Variants in PARD3B observed in about 807,000 individuals in gnomAD.
PARD3B encodes the protein partitioning defective 3 homolog B.
A neutral mutation model predicts 130.2 loss-of-function variants in PARD3B; 103 were observed. That is an observed-to-expected ratio of 0.79 (90% CI 0.67 to 0.93). PARD3B has a LOEUF of 0.93. Among genes scored for constraint, PARD3B ranks in the 40% least tolerant of loss-of-function variants. The pLI, the probability that PARD3B is intolerant of heterozygous loss-of-function variation, is 0.00. For synonymous variants in PARD3B, 583 were observed against 553.2 expected (o/e 1.05, Z -0.76); for missense variants, 1,609 against 1,499.2 (o/e 1.07, Z -1.21).
intron 3 of PARD3B, among the ~76,000 whole-genome samples, chr2:205,032,189 G>T (rs964331951): frequency 6.6e-6 from 1 of 151,926 alleles, no homozygotes; most frequent in African/African-American, 2.4e-5. Flanking sequence ...ATAATCCGTG[G>T]ATCATTGCCT....
At chr2:204,654,794 T>A (rs1171605221) in intron 1 of PARD3B, among the ~76,000 whole-genome samples, 1 of 152,206 alleles carries the variant, frequency 6.6e-6, no homozygotes, top group Non-Finnish European at 1.5e-5. Flanking sequence ...ATAAATTCTT[T>A]ATTTTTTGTT....
intron 1 of PARD3B, among the ~76,000 whole-genome samples, chr2:204,637,172 G>A (rs7577949): frequency 0.021 from 3,255 of 152,084 alleles, 111 homozygotes; most frequent in East Asian, 0.14. Flanking sequence ...AGAAACTGAA[G>A]AGGCTACCAG....
chr2:205,039,854 A>G (rs114612252), intron 3 of PARD3B, among the ~76,000 whole-genome samples: 109 of 152,292 alleles, frequency 7.2e-4, no homozygotes, highest in African/African-American at 2.6e-3. Context: ...CCAGATAGAG[A>G]ATGTGGCCCT....
Position 205,397,147 on chromosome 2 carries a change from A to G in PARD3B, c.2631-3866A>G, listed in dbSNP as rs2046061781. On this transcript the variant is annotated intron_variant, in intron 18 of 22. Transcript: ENST00000406610. This position sits in a 1 kb window ranked among gnomAD's most constrained non-coding sequence, Gnocchi z 4.8. ...GGGTCTCAATTTCCTCATCTTAACA[A>G]TGCGGGAGTTTTTGTTTTTGTTTTT... Among the ~76,000 whole-genome samples, 1 of 152,216 alleles carries G rather than the reference A, an allele frequency of 6.6e-6. No individual in the cohort carries two copies. The highest frequency in any genetic ancestry group is 2.1e-4 in the South Asian group (1 of 4,832).
chr2:205,196,478 ATTTGTCT>A (rs1165797875), intron 15 of PARD3B, among the ~76,000 whole-genome samples: 1 of 152,010 alleles, frequency 6.6e-6, no homozygotes, highest in Non-Finnish European at 1.5e-5. Flanking sequence ...GCAACCCATT[ATTTGTCT>A]TTTTAGTTTG....
intron 18 of PARD3B, among the ~76,000 whole-genome samples, chr2:205,339,508 A>G (rs762442751): frequency 1.3e-5 from 2 of 152,220 alleles, no homozygotes; most frequent in South Asian, 2.1e-4. Flanking sequence ...CCTCAAGCTT[A>G]CTGAATTAGA....
intron 2 of PARD3B, among the ~76,000 whole-genome samples, chr2:204,720,225 C>T (rs576606739): frequency 5.3e-5 from 8 of 152,246 alleles, no homozygotes; most frequent in African/African-American, 1.4e-4. Context: ...AATAACATCT[C>T]GTTTGGAGTT....
At position 205,254,088 on chromosome 2, in the gene PARD3B, T is replaced by TAAAAAAAAAA. The variant is rs11287171; in HGVS notation, c.2185+8282_2185+8291dup. On this transcript the variant is annotated intron_variant, in intron 16 of 22. Transcript: ENST00000406610. ...GTGGTATCATTAGTTGTAGAGAAAT[T>TAAAAAAAAAA]AAAAAAAAAAAAAAAAAAAAAAAAA... Among the ~76,000 whole-genome samples, 9 of 75,962 alleles carry TAAAAAAAAAA rather than the reference T, an allele frequency of 1.2e-4. 1 individual carries two copies. The highest frequency in any genetic ancestry group is 1.3e-4 in the Non-Finnish European group (5 of 38,284). The allele number at this position is 75,962 out of a possible 152,430, so 49.8% of individuals were successfully genotyped here.
chr2:205,328,844 G>A (rs910079212), intron 18 of PARD3B, among the ~76,000 whole-genome samples: 6 of 152,124 alleles, frequency 3.9e-5, no homozygotes, highest in African/African-American at 1.4e-4. Context: ...CCAGTATGTT[G>A]TGTTTTTATT....
chr2:205,562,656 G>A lies in PARD3B; in HGVS notation c.3260+9253G>A, dbSNP rs1015645305. ...GAAAAGAAGGTTGTTTTGTGCCTAG[G>A]CATCTGCTTAGAGTATTGCTCTATA... On this transcript the variant is annotated intron_variant, in intron 22 of 22. Coordinates refer to ENST00000406610, the MANE Select transcript of PARD3B (RefSeq NM_001302769.2). This position sits in a 1 kb window ranked among gnomAD's most constrained non-coding sequence, Gnocchi z 5.4. 6.6e-6 allele frequency among the ~76,000 whole-genome samples: 1 copy of A among 152,120 alleles called. No individual in the cohort carries two copies.
chr2:205,037,866 A>G (rs1698117811), intron 3 of PARD3B, among the ~76,000 whole-genome samples: 1 of 152,146 alleles, frequency 6.6e-6, no homozygotes, highest in Non-Finnish European at 1.5e-5. Context: ...ACAAAATTAT[A>G]TAATCATGTG....
intron 19 of PARD3B, among the ~76,000 whole-genome samples, chr2:205,427,062 C>T (rs958608601): frequency 2.0e-5 from 3 of 152,116 alleles, no homozygotes; most frequent in African/African-American, 4.8e-5. Context: ...AAAACTTCAC[C>T]GAAATATGAC....
chr2:204,606,144 T>C lies in PARD3B; in HGVS notation c.120+60025T>C, dbSNP rs1424752256. ...TCAGGTTTTGTCTCTCCAACTCCGA[T>C]ATATGCTTCTTGAGGTCAATACCTG... On this transcript the variant is annotated intron_variant, in intron 1 of 22. Transcript: ENST00000406610. This position sits in a 1 kb window ranked among gnomAD's most constrained non-coding sequence, Gnocchi z 4.0. Among the ~76,000 whole-genome samples the C allele has an allele frequency of 6.6e-6, 1 of 152,206 alleles. No homozygotes were observed. The highest frequency in any genetic ancestry group is 2.4e-5 in the African/African-American group (1 of 41,454).
chr2:204,643,249 G>A (rs1476333180), intron 1 of PARD3B, among the ~76,000 whole-genome samples: 4 of 151,398 alleles, frequency 2.6e-5, no homozygotes, highest in Non-Finnish European at 5.9e-5. Flanking sequence ...CTCCCTAGCC[G>A]TGCCTCCTGT....
At chr2:205,107,788 A>C (rs963337683) in intron 5 of PARD3B, among the ~76,000 whole-genome samples, 2 of 152,238 alleles carry the variant, frequency 1.3e-5, no homozygotes, top group East Asian at 3.8e-4. Context: ...TACAATATGC[A>C]TCTCTTATGA....
At chr2:204,712,915 A>G (rs1164026641) in intron 2 of PARD3B, among the ~76,000 whole-genome samples, 1 of 152,090 alleles carries the variant, frequency 6.6e-6, no homozygotes, top group Non-Finnish European at 1.5e-5. Flanking sequence ...CGAGTTTTAT[A>G]TGGTTTAGGC....
intron 18 of PARD3B, among the ~76,000 whole-genome samples, chr2:205,302,191 C>G (rs1252200399): frequency 6.6e-6 from 1 of 150,542 alleles, no homozygotes; most frequent in Non-Finnish European, 1.5e-5. Context: ...GCCTTAGCCT[C>G]CCTAGTAGCT....
At chr2:205,295,000 T>C (rs2541149) in intron 16 of PARD3B, among the ~76,000 whole-genome samples, 131,529 of 152,130 alleles carry the variant, frequency 0.86, 57,181 homozygotes, top group South Asian at 0.91. Context: ...TTGGATATTA[T>C]GGAGAATTTT....
intron 19 of PARD3B, among the ~76,000 whole-genome samples, chr2:205,438,260 A>T (rs1427430943): frequency 3.3e-5 from 5 of 152,232 alleles, no homozygotes; most frequent in Non-Finnish European, 7.3e-5. Flanking sequence ...CCACGTACTC[A>T]GCAAGTTTAA....
Sources: allele counts gnomAD v4.1 joint callset (sites outside exome capture counted in the v4.1 genomes callset), GRCh38; gene constraint gnomAD v4.1.1; non-coding constraint Gnocchi (gnomAD v3.1); transcripts MANE v1.5; gene names NCBI Gene and HGNC (gene_info 2026-07-23, HGNC 2026-07-21).